MAPK13: variants seen among roughly 807,000 people sequenced by gnomAD.
MAPK13 encodes the protein mitogen-activated protein kinase 13.
Under a neutral mutation model 53.5 loss-of-function variants are expected in MAPK13, and 39 were observed. That is an observed-to-expected ratio of 0.73 (90% CI 0.56 to 0.95). MAPK13 has a LOEUF of 0.95. Among genes scored for constraint, MAPK13 ranks in the 40% least tolerant of loss-of-function variants. The probability of loss-of-function intolerance (pLI) is 0.00; values close to 1 mark genes in which losing one functional copy is unlikely to be tolerated. For missense variants in MAPK13, 460 were observed against 471.8 expected (o/e 0.98, Z 0.23); for synonymous variants, 179 against 190.9 (o/e 0.94, Z 0.51).
chr6:36,136,789 A>G lies in MAPK13; in HGVS notation c.610+19A>G, dbSNP rs765473536. 17 of 1,613,104 alleles carry G rather than the reference A, an allele frequency of 1.1e-5. No homozygotes were observed. Among genetic ancestry groups the G allele is most frequent in the South Asian group, 4.4e-5 (4 of 91,044 alleles). On this transcript the variant is annotated intron_variant, in intron 7 of 11. Transcript: ENST00000211287. ...CAGACAGGTCAGTGGTCAATGCCTG[A>G]GAGGGCGGTCCTGGGGCCATCTGGT...
Position 36,136,668 on chromosome 6 carries a change from G to A in MAPK13, c.508G>A (p.Gly170Arg), listed in dbSNP as rs1351747744. The A allele has an allele frequency of 1.1e-5, 17 of 1,613,852 alleles. No homozygotes were observed. The highest frequency in any genetic ancestry group is 1.4e-5 in the Non-Finnish European group (17 of 1,179,870). The change falls in exon 7 of 12, where the codon GGG (glycine) becomes AGG (arginine). Residue 170 changes from glycine to arginine, a missense_variant. Gly to Arg is a moderately radical substitution (Grantham distance 125). Transcript: ENST00000211287. ...CCCTGTGCCATAGATTCTGGATTTT[G>A]GGCTGGCGCGACATGCAGACGCCGA... is the stretch of plus-strand genomic sequence containing the variant. ...EDCELKILDF[G>R]LARHADAEMT... is the part of the protein sequence containing the mutation.
rs367976138 is a variant in MAPK13 at position 36,143,627 on chromosome 6, A to C, written c.*4254A>C. ...CCTTAAATTTGAACAATTCCCTAAG[A>C]TCTAATGCTGGGAGGCTCCCCTTCC... On this transcript the variant is annotated 3_prime_UTR_variant, in exon 12 of 12. Coordinates refer to ENST00000211287, the MANE Select transcript of MAPK13 (RefSeq NM_002754.5). The C allele has an allele frequency of 7.2e-5, 11 of 152,096 alleles. No homozygotes were observed. The highest frequency in any genetic ancestry group is 2.7e-4 in the African/African-American group (11 of 41,406). The allele number at this position is 152,096 out of a possible 1,614,324, so 9.4% of individuals were successfully genotyped here.
intron 10 of MAPK13, 40 bp downstream of exon 10, chr6:36,138,820 ATCCCAGAGGGCGGGC>A (rs1209136820): frequency 6.2e-7 from 1 of 1,613,838 alleles, no homozygotes; most frequent in Non-Finnish European, 8.5e-7. Flanking sequence ...CTCTCAGCGT[ATCCCAGAGGGCGGGC>A]TCTCCCAGCC....
At position 36,139,056 on chromosome 6, in the gene MAPK13, G is replaced by C. The variant is rs778203783; in HGVS notation, c.1018+1G>C. 3 of 1,588,224 alleles carry C rather than the reference G, an allele frequency of 1.9e-6. No individual in the cohort carries two copies. Among genetic ancestry groups the C allele is most frequent in the African/African-American group, 1.4e-5 (1 of 73,586 alleles). ...AAACTCACAGTGGATGAATGGAAGC[G>C]TAAGAGCTGGGGCCTCGGGCTTCCT... On this transcript the variant is annotated splice_donor_variant, in intron 11 of 11. Coordinates refer to ENST00000211287, the MANE Select transcript of MAPK13 (RefSeq NM_002754.5). LOFTEE classifies it high-confidence loss of function.
rs562623360 is a variant in MAPK13, at chr6:36,143,830, G to C, written c.*4457G>C. 1 of 152,288 alleles carries C rather than the reference G, an allele frequency of 6.6e-6. No homozygotes were observed. The highest frequency in any genetic ancestry group is 2.1e-4 in the South Asian group (1 of 4,824). 9.4% of individuals were successfully genotyped at this position (152,288 alleles called of 1,614,324 possible). On this transcript the variant is annotated 3_prime_UTR_variant, in exon 12 of 12. Transcript: ENST00000211287. The stretch of plus-strand genomic sequence containing the variant: ...ATTGAGCACCCATGGGTGTGTACTG[G>C]AGCAAGGGTGGTGCCAGGGATTCTC...
Position 36,139,428 on chromosome 6 carries a change from T to A in MAPK13, c.*55T>A. On this transcript the variant is annotated 3_prime_UTR_variant, in exon 12 of 12. Transcript: ENST00000211287. ...GACACTGCCCAAGGACCAGTATTTG[T>A]CACTACCAAACTCAGCCCTTCTTGG... 1 of 1,444,414 alleles carries A rather than the reference T, an allele frequency of 6.9e-7. No individual in the cohort carries two copies. The highest frequency in any genetic ancestry group is 9.7e-7 in the Non-Finnish European group (1 of 1,026,546). 89.5% of individuals were successfully genotyped at this position (1,444,414 alleles called of 1,614,324 possible).
At position 36,136,740 on chromosome 6, in the gene MAPK13, A is replaced by T; in HGVS notation, c.580A>T (p.Ile194Phe). The T allele has an allele frequency of 3.1e-6, 5 of 1,614,070 alleles. No homozygotes were observed. The highest frequency in any genetic ancestry group is 4.2e-6 in the Non-Finnish European group (5 of 1,179,966). Residue 194 changes from isoleucine to phenylalanine, a missense_variant, in exon 7 of 12, where the codon ATC (isoleucine) becomes TTC (phenylalanine). Coordinates refer to ENST00000211287, the MANE Select transcript of MAPK13 (RefSeq NM_002754.5). ...VTRWYRAPEV[I>F]LSWMHYNQTV... The stretch of plus-strand genomic sequence containing the variant: ...CCGCTGGTACCGAGCCCCCGAGGTG[A>T]TCCTCAGCTGGATGCACTACAACCA...
In MAPK13 at chr6:36,130,839, C is replaced by G. The variant is rs1241481971; in HGVS notation, c.119+138C>G. 3 of 527,256 alleles carry G rather than the reference C, an allele frequency of 5.7e-6. No homozygotes were observed. The highest frequency in any genetic ancestry group is 1.0e-5 in the Non-Finnish European group (3 of 299,558). The allele number at this position is 527,256 out of a possible 1,614,324, so 32.7% of individuals were successfully genotyped here. A position where few individuals can be genotyped will look rare whatever the true frequency, so the allele number is the denominator to read the frequency against. On this transcript the variant is annotated intron_variant, in intron 1 of 11. Coordinates refer to ENST00000211287, the MANE Select transcript of MAPK13 (RefSeq NM_002754.5). The surrounding 1 kb of genome is among the most constrained non-coding windows in gnomAD (Gnocchi z 4.5). ...GGCCCAGCGCCCTCCCCGGGGCCAC[C>G]CAGCGGCCATCTCCCTTTTCTCACC... is the stretch of plus-strand genomic sequence containing the variant.
At chr6:36,136,566 T>C (rs1369346671) in intron 6 of MAPK13, 35 bp downstream of exon 6, 3 of 1,595,936 alleles carry the variant, frequency 1.9e-6, no homozygotes, top group Admixed American at 1.7e-5. Flanking sequence ...AGAGGCGGGA[T>C]AGGCCCTCCC....
rs376793688 is a variant in MAPK13, at chr6:36,131,255, G to A, written c.120-16G>A. On this transcript the variant is annotated splice_polypyrimidine_tract_variant and intron_variant, in intron 1 of 11. Transcript: ENST00000211287. ...AGGAGGAGAGCCTCGCCTGCTGACC[G>A]GCCTGTGCCCGACAGCTCGGCCATC... 1.9e-6 allele frequency: 3 copies of A among 1,608,268 alleles called. No individual in the cohort carries two copies. Among genetic ancestry groups the A allele is most frequent in the Admixed American group, 1.7e-5 (1 of 59,666 alleles).
At position 36,130,739 on chromosome 6, in the gene MAPK13, G is replaced by GGGCT; in HGVS notation, c.119+38_119+39insGGCT. On this transcript the variant is annotated intron_variant, in intron 1 of 11. Coordinates refer to ENST00000211287, the MANE Select transcript of MAPK13 (RefSeq NM_002754.5). The surrounding 1 kb of genome is among the most constrained non-coding windows in gnomAD (Gnocchi z 4.5). ...GGCCGCTGGGGGGCGGGGGGCGGGC[G>GGGCT]CCAGGCTCTCCCCTTTCCGCCCAGC... The GGGCT allele has an allele frequency of 8.9e-7, 1 of 1,120,584 alleles. No individual in the cohort carries two copies. Among genetic ancestry groups the GGGCT allele is most frequent in the Non-Finnish European group, 1.3e-6 (1 of 787,310 alleles). 69.4% of individuals were successfully genotyped at this position (1,120,584 alleles called of 1,614,324 possible).
rs1251640494 is a variant in MAPK13, at chr6:36,140,848, T to C, written c.*1475T>C. The C allele has an allele frequency of 6.6e-6, 1 of 152,270 alleles. No individual in the cohort carries two copies. Among genetic ancestry groups the C allele is most frequent in the Non-Finnish European group, 1.5e-5 (1 of 68,130 alleles). The allele number at this position is 152,270 out of a possible 1,614,324, so 9.4% of individuals were successfully genotyped here. A position where few individuals can be genotyped will look rare whatever the true frequency, so the allele number is the denominator to read the frequency against. Reference sequence around the variant, plus strand: ...TGGAGTTCAGTGGCACAATTACATCTTACTGCAACCTCAGCCTCCTGGGCT... The same window carrying C: ...TGGAGTTCAGTGGCACAATTACATCCTACTGCAACCTCAGCCTCCTGGGCT... On this transcript the variant is annotated 3_prime_UTR_variant, in exon 12 of 12. Coordinates refer to ENST00000211287, the MANE Select transcript of MAPK13 (RefSeq NM_002754.5).
rs1245705565 is a variant in MAPK13 at position 36,143,285 on chromosome 6, A to ACCACC, written c.*3913_*3914insCACCC. 2 of 150,410 alleles carry ACCACC rather than the reference A, an allele frequency of 1.3e-5. No homozygotes were observed. The highest frequency in any genetic ancestry group is 2.1e-4 in the East Asian group (1 of 4,862). 9.3% of individuals were successfully genotyped at this position (150,410 alleles called of 1,614,324 possible). A position where few individuals can be genotyped will look rare whatever the true frequency, so the allele number is the denominator to read the frequency against. On this transcript the variant is annotated 3_prime_UTR_variant, in exon 12 of 12. Coordinates refer to ENST00000211287, the MANE Select transcript of MAPK13 (RefSeq NM_002754.5). ...GGTGCTGCCCCCAGTGAGGGGCAGC[A>ACCACC]CAAGGGGAGACAGAAATGGAGGAAT...
Position 36,143,849 on chromosome 6 carries a change from G to T in MAPK13, c.*4476G>T, listed in dbSNP as rs1766581599. The T allele has an allele frequency of 6.6e-6, 1 of 152,190 alleles. No homozygotes were observed. The highest frequency in any genetic ancestry group is 1.5e-5 in the Non-Finnish European group (1 of 68,086). The allele number at this position is 152,190 out of a possible 1,614,324, so 9.4% of individuals were successfully genotyped here. On this transcript the variant is annotated 3_prime_UTR_variant, in exon 12 of 12. Coordinates refer to ENST00000211287, the MANE Select transcript of MAPK13 (RefSeq NM_002754.5). ...GTACTGGAGCAAGGGTGGTGCCAGG[G>T]ATTCTCCTGCTCTGGTTCCTCCTGC...
chr6:36,133,109 C>T (rs985742215), intron 3 of MAPK13, among the ~76,000 whole-genome samples: 6 of 152,198 alleles, frequency 3.9e-5, no homozygotes, highest in South Asian at 2.1e-4. Context: ...GACAGAATGG[C>T]AGAAAACCAG....
Position 36,135,871 on chromosome 6 carries a change from GA to G in MAPK13, c.417+11del. On this transcript the variant is annotated intron_variant, in intron 4 of 11. Coordinates refer to ENST00000211287, the MANE Select transcript of MAPK13 (RefSeq NM_002754.5). ...GCTCAAAGGCCTTAAGGTGGGTGGG[GA>G]CTTGGAGGCTGGCAGAGGGGACGCC... The G allele has an allele frequency of 6.2e-7, 1 of 1,606,184 alleles. No individual in the cohort carries two copies. Among genetic ancestry groups the G allele is most frequent in the Non-Finnish European group, 8.5e-7 (1 of 1,172,968 alleles).
Position 36,130,997 on chromosome 6 carries a change from G to T in MAPK13, c.120-274G>T, listed in dbSNP as rs138076763. 6.4e-5 allele frequency: 34 copies of T among 527,694 alleles called. No individual in the cohort carries two copies. In the East Asian group the frequency reaches 7.7e-4, roughly 12 times the overall value. The allele number at this position is 527,694 out of a possible 1,614,324, so 32.7% of individuals were successfully genotyped here. A position where few individuals can be genotyped will look rare whatever the true frequency, so the allele number is the denominator to read the frequency against. On this transcript the variant is annotated intron_variant, in intron 1 of 11. Transcript: ENST00000211287. The surrounding 1 kb of genome is among the most constrained non-coding windows in gnomAD (Gnocchi z 4.5). ...AGACGAGTACACCGAGGCCCCAAGA[G>T]GGGGAGGTGGCTCGCCAAGTTGCAG...
chr6:36,138,598 A>G, intron 9 of MAPK13, 104 bp from the exon 10 acceptor site: 2 of 1,309,218 alleles, frequency 1.5e-6, no homozygotes, highest in Non-Finnish European at 2.2e-6. Context: ...CTCACCGTGG[A>G]CCCTGACCTG....
chr6:36,131,075 G>A, intron 1 of MAPK13, 196 bp from the exon 2 acceptor site: 1 of 589,680 alleles, frequency 1.7e-6, no homozygotes, highest in South Asian at 2.3e-5. Context: ...AGACGTTGCT[G>A]CCCCTGGCGC....
Sources: allele counts gnomAD v4.1 joint callset (sites outside exome capture counted in the v4.1 genomes callset), GRCh38; gene constraint gnomAD v4.1.1; non-coding constraint Gnocchi (gnomAD v3.1); transcripts MANE v1.5; gene names NCBI Gene and HGNC (gene_info 2026-07-23, HGNC 2026-07-21).